Variants in DLG2 observed in about 807,000 individuals in gnomAD.
DLG2 encodes discs large MAGUK scaffold protein 2, also known as disks large homolog 2.
Under a neutral mutation model 132.5 loss-of-function variants are expected in DLG2, and 45 were observed. The ratio of observed to expected loss-of-function variants is 0.34; its 90% CI spans 0.27 to 0.44. The LOEUF (loss-of-function observed/expected upper bound fraction) is 0.44. Ranked by LOEUF, DLG2 falls within the 20% of genes least tolerant of loss-of-function variation. The pLI is 1.00. For synonymous variants in DLG2, 424 were observed against 419.6 expected, an observed-to-expected ratio of 1.01 and a Z score of -0.13; for missense variants, 1,045 against 1,196.9, an observed-to-expected ratio of 0.87 and a Z score of 1.87.
intron 5 of DLG2, among the ~76,000 whole-genome samples, chr11:85,122,493 AT>A (rs2074438203): frequency 6.6e-6 from 1 of 152,180 alleles, no homozygotes; most frequent in African/African-American, 2.4e-5. Context: ...AGGTAGTGGG[AT>A]CTGAGATAGG....
At chr11:83,827,282 C>T (rs1015621544) in intron 17 of DLG2, among the ~76,000 whole-genome samples, 1 of 151,954 alleles carries the variant, frequency 6.6e-6, no homozygotes, top group African/African-American at 2.4e-5. Flanking sequence ...TTATCAGTAC[C>T]CCAAGATGGA....
At chr11:85,117,366 T>C (rs771798964) in intron 5 of DLG2, among the ~76,000 whole-genome samples, 20 of 152,070 alleles carry the variant, frequency 1.3e-4, no homozygotes, top group Non-Finnish European at 2.8e-4. Context: ...TACCTCTCTT[T>C]GCATTAGTTA....
chr11:83,627,741 G>C (rs911006880), intron 19 of DLG2, among the ~76,000 whole-genome samples: 11 of 152,194 alleles, frequency 7.2e-5, no homozygotes, highest in African/African-American at 2.4e-4. Context: ...TAATGGGATG[G>C]CTAGGTCAAA....
At chr11:84,337,905 C>T (rs944303101) in intron 7 of DLG2, among the ~76,000 whole-genome samples, 1 of 152,186 alleles carries the variant, frequency 6.6e-6, no homozygotes, top group African/African-American at 2.4e-5. Flanking sequence ...CTATGGATTT[C>T]ACTGAGAGCT....
At chr11:84,846,655 T>A (rs550557075) in intron 6 of DLG2, among the ~76,000 whole-genome samples, 1 of 152,140 alleles carries the variant, frequency 6.6e-6, no homozygotes, top group Non-Finnish European at 1.5e-5. Context: ...CAATCAATCC[T>A]GTTGCTTCTT....
At chr11:85,531,941 C>T (rs1468931399) in intron 3 of DLG2, among the ~76,000 whole-genome samples, 1 of 152,126 alleles carries the variant, frequency 6.6e-6, no homozygotes, top group Admixed American at 6.5e-5. Context: ...CTCAAAGTCA[C>T]ATAACTGGAA....
intron 12 of DLG2, among the ~76,000 whole-genome samples, chr11:83,977,744 G>T (rs575390794): frequency 6.6e-6 from 1 of 152,176 alleles, no homozygotes; most frequent in African/African-American, 2.4e-5. Context: ...CTTAAGCAAT[G>T]CTCCTCTGGA....
At chr11:84,208,330 CT>C (rs1443439868) in intron 8 of DLG2, among the ~76,000 whole-genome samples, 1 of 150,086 alleles carries the variant, frequency 6.7e-6, no homozygotes, top group African/African-American at 2.5e-5. Flanking sequence ...CTCATATTGG[CT>C]CAGAATAAAC....
intron 9 of DLG2, among the ~76,000 whole-genome samples, chr11:84,105,181 C>T (rs1049224691): frequency 1.3e-5 from 2 of 152,108 alleles, no homozygotes; most frequent in African/African-American, 2.4e-5. Flanking sequence ...ATTTAAACTT[C>T]TATCAGTATC....
In DLG2 at chr11:85,080,694, A is replaced by C. The variant is rs183432972; in HGVS notation, c.357+30967T>G. Reference sequence around the variant, plus strand: ...GTGTATGCAGAGTCAAAACACTGTAACTTAATACCACAAAGGGATAGTTAA... The same window carrying C: ...GTGTATGCAGAGTCAAAACACTGTACCTTAATACCACAAAGGGATAGTTAA... On this transcript the variant is annotated intron_variant, in intron 6 of 27. Transcript: ENST00000376104. 3.2e-4 allele frequency among the ~76,000 whole-genome samples: 48 copies of C among 152,258 alleles called. No homozygotes were observed. In the East Asian group the frequency reaches 8.2e-3, roughly 26 times the overall value.
chr11:83,660,215 A>G (rs1476686549), intron 18 of DLG2, among the ~76,000 whole-genome samples: 2 of 152,192 alleles, frequency 1.3e-5, no homozygotes, highest in African/African-American at 4.8e-5. Context: ...AGGAGCTCTT[A>G]GCCCAGTGGG....
chr11:84,040,242 A>G (rs1209599575), intron 11 of DLG2, among the ~76,000 whole-genome samples: 3 of 151,702 alleles, frequency 2.0e-5, no homozygotes, highest in Non-Finnish European at 2.9e-5. Flanking sequence ...CCATTTGTCA[A>G]TTTTGGCTTT....
At chr11:84,829,553 C>T (rs761023988) in intron 6 of DLG2, among the ~76,000 whole-genome samples, 8 of 151,658 alleles carry the variant, frequency 5.3e-5, no homozygotes, top group Non-Finnish European at 1.0e-4. Context: ...GGAAAGACCA[C>T]GGGCTTAACA....
At chr11:84,776,994 C>T (rs1392846277) in intron 6 of DLG2, among the ~76,000 whole-genome samples, 1 of 151,904 alleles carries the variant, frequency 6.6e-6, no homozygotes, top group Non-Finnish European at 1.5e-5. Context: ...ATCCATCACT[C>T]AAATAACATA....
At chr11:83,464,416 C>A (rs2136164703) in intron 26 of DLG2, among the ~76,000 whole-genome samples, 1 of 152,290 alleles carries the variant, frequency 6.6e-6, no homozygotes, top group African/African-American at 2.4e-5. Context: ...GGGGAATGGG[C>A]AATTCATGGC....
intron 8 of DLG2, among the ~76,000 whole-genome samples, chr11:84,230,618 A>T (rs1172317419): frequency 6.6e-6 from 1 of 152,196 alleles, no homozygotes; most frequent in East Asian, 1.9e-4. Flanking sequence ...CTTAGGGGAA[A>T]GATATGTGAG....
chr11:84,107,006 G>C (rs907921796), intron 9 of DLG2, among the ~76,000 whole-genome samples: 4 of 85,146 alleles, frequency 4.7e-5, no homozygotes, highest in Admixed American at 3.9e-4. Context: ...GTGTGTGTGT[G>C]TGTGTGTGAG....
rs78889174 is a variant in DLG2 at position 85,378,250 on chromosome 11, A to G, written c.41-92885T>C. On this transcript the variant is annotated intron_variant, in intron 3 of 27. Transcript: ENST00000376104. ...GAACATATTTCCATTCCTCTAGTTG[A>G]CAGGGACTGGCAATACTACTGTGAA... 6.4e-3 allele frequency among the ~76,000 whole-genome samples: 981 copies of G among 152,264 alleles called. 12 individuals carry two copies. The highest frequency in any genetic ancestry group is 0.022 in the African/African-American group (925 of 41,550).
chr11:84,682,481 TA>T (rs1412125026), intron 6 of DLG2, among the ~76,000 whole-genome samples: 1 of 152,194 alleles, frequency 6.6e-6, no homozygotes, highest in Non-Finnish European at 1.5e-5. Flanking sequence ...GGAAGGGTCC[TA>T]AAGAGGTGCC....
Sources: gnomAD v4.1 joint callset for allele counts (sites outside exome capture counted in the v4.1 genomes callset) on GRCh38, gnomAD v4.1.1 for gene constraint, MANE v1.5 for transcripts, NCBI Gene and HGNC (gene_info 2026-07-23, HGNC 2026-07-21) for gene names.